CACNA1A: variants seen among roughly 807,000 people sequenced by gnomAD.
CACNA1A encodes the protein calcium voltage-gated channel subunit alpha1 A, also known as voltage-dependent P/Q-type calcium channel subunit alpha-1A.
In CACNA1A, 57 loss-of-function variants were observed where a neutral mutation model predicts 262.4. That is an observed-to-expected ratio of 0.22 (90% CI 0.18 to 0.27). The LOEUF (loss-of-function observed/expected upper bound fraction) is 0.27, where lower values mean the gene tolerates loss of function less well. Among genes scored for constraint, CACNA1A ranks in the 10% least tolerant of loss-of-function variants. CACNA1A has a pLI of 1.00. For synonymous variants in CACNA1A, 1,431 were observed against 1,419.3 expected (o/e 1.01, Z -0.18); for missense variants, 2,526 against 3,562.8 (o/e 0.71, Z 7.41).
At chr19:13,290,824 A>G (rs1046571024) in intron 19 of CACNA1A, among the ~76,000 whole-genome samples, 1 of 152,088 alleles carries the variant, frequency 6.6e-6, no homozygotes, top group Non-Finnish European at 1.5e-5. Context: ...TATAATTTCA[A>G]AGAGAACCTA....
At position 13,506,308 on chromosome 19, in the gene CACNA1A, G is replaced by A; in HGVS notation, c.-84C>T. ...CGCCGCCGCCGCCGCCGCTGATGCT[G>A]AGGCTGCCGGGGCTGGGAGCGCGGC... On this transcript the variant is annotated 5_prime_UTR_variant, in exon 1 of 47. Coordinates refer to ENST00000360228, the MANE Select transcript of CACNA1A (RefSeq NM_001127222.2). The A allele has an allele frequency of 1.6e-6, 2 of 1,250,432 alleles. No homozygotes were observed. The highest frequency in any genetic ancestry group is 3.7e-5 in the South Asian group (2 of 53,800). 77.5% of individuals were successfully genotyped at this position (1,250,432 alleles called of 1,614,324 possible). A position where few individuals can be genotyped will look rare whatever the true frequency, so the allele number is the denominator to read the frequency against.
rs201582095 is a variant in CACNA1A at position 13,208,760 on chromosome 19, C to T, written c.6776G>A (p.Arg2259Gln). ...GTCACTTGCAGCCGCACCCACCTGCCGGTGCGCCATGTGCTCTCGGCCCTC... is the reference window on the plus strand; with the variant it reads ...GTCACTTGCAGCCGCACCCACCTGCTGGTGCGCCATGTGCTCTCGGCCCTC... ...PSEGREHMAH[R>Q]QGSSSVSGSP... Residue 2259 changes from arginine to glutamine, a missense_variant, in exon 46 of 47, where the codon CGG (arginine) becomes CAG (glutamine). This residue lies in a region of CACNA1A where 929 missense variants were observed against 868.1 expected (regional missense o/e 1.07). Transcript: ENST00000360228. 19 of 1,566,300 alleles carry T rather than the reference C, an allele frequency of 1.2e-5. No individual in the cohort carries two copies. The highest frequency in any genetic ancestry group is 7.9e-5 in the South Asian group (7 of 88,260).
intron 3 of CACNA1A, among the ~76,000 whole-genome samples, chr19:13,392,411 G>A (rs2059726310): frequency 6.6e-6 from 1 of 152,178 alleles, no homozygotes; most frequent in South Asian, 2.1e-4. Flanking sequence ...GGCAGGTGGA[G>A]GCAGGATGTC....
chr19:13,321,999 C>T (rs1344121539), intron 10 of CACNA1A, among the ~76,000 whole-genome samples: 3 of 151,934 alleles, frequency 2.0e-5, no homozygotes, highest in Non-Finnish European at 4.4e-5. Context: ...GTCAGGAGTT[C>T]GAGACCAGCC....
At chr19:13,234,624 C>G (rs1006608125) in intron 34 of CACNA1A, among the ~76,000 whole-genome samples, 1 of 152,164 alleles carries the variant, frequency 6.6e-6, no homozygotes, top group Admixed American at 6.5e-5. Context: ...CCCACGACAC[C>G]CATTTCCAGC....
chr19:13,396,265 T>A (rs560084349), intron 3 of CACNA1A, among the ~76,000 whole-genome samples: 1 of 152,328 alleles, frequency 6.6e-6, no homozygotes, highest in African/African-American at 2.4e-5. Flanking sequence ...ACTCTACTCT[T>A]CCCCGTGAGG....
intron 6 of CACNA1A, among the ~76,000 whole-genome samples, chr19:13,336,594 G>GGAGAGAGAGGGAGGGAGAGA (rs1555768093): frequency 1.1e-4 from 7 of 65,490 alleles, no homozygotes; most frequent in Non-Finnish European, 3.1e-5. Context: ...AGAGAGAGAG[G>GGAGAGAGAGGGAGGGAGAGA]GAGAGAGAGA....
intron 3 of CACNA1A, among the ~76,000 whole-genome samples, chr19:13,391,952 G>A (rs577615101): frequency 2.0e-4 from 30 of 150,832 alleles, no homozygotes; most frequent in African/African-American, 1.7e-4. Context: ...TGGGAGAATC[G>A]CATGAGCCCG....
In CACNA1A at chr19:13,255,050, G is replaced by A. The variant is rs749495896; in HGVS notation, c.4755+45C>T. The stretch of plus-strand genomic sequence containing the variant: ...ATTTTATCAGGGTAGAGGCAGGAAC[G>A]AGGTGGGGGTTAAGTAGTGCTGGGG... On this transcript the variant is annotated intron_variant, in intron 29 of 46. Transcript: ENST00000360228. 25 of 1,596,964 alleles carry A rather than the reference G, an allele frequency of 1.6e-5. No homozygotes were observed. In the Admixed American group the frequency reaches 3.0e-4, roughly 19 times the overall value.
At chr19:13,380,099 T>C (rs1322605542) in intron 3 of CACNA1A, among the ~76,000 whole-genome samples, 22 of 119,966 alleles carry the variant, frequency 1.8e-4, no homozygotes, top group Middle Eastern at 8.3e-3. Context: ...GCCTGGCCAA[T>C]ATGGTGAAAA....
intron 4 of CACNA1A, among the ~76,000 whole-genome samples, chr19:13,367,258 G>A (rs938991713): frequency 7.7e-6 from 1 of 129,892 alleles, no homozygotes; most frequent in Non-Finnish European, 1.5e-5. Flanking sequence ...TGACGCCACT[G>A]TACTCCAGTC....
chr19:13,393,811 T>TTCCTTCC (rs1226397228), intron 3 of CACNA1A, among the ~76,000 whole-genome samples: 16,282 of 80,850 alleles, frequency 0.2, 1,874 homozygotes, highest in East Asian at 0.34. Context: ...CCCTCCTTCC[T>TTCCTTCC]CTCTCTCTCT....
chr19:13,377,899 A>G (rs892842247), intron 3 of CACNA1A, among the ~76,000 whole-genome samples: 1 of 151,854 alleles, frequency 6.6e-6, no homozygotes, highest in Non-Finnish European at 1.5e-5. Flanking sequence ...AGATCAAGGC[A>G]GGAGGATCAC....
chr19:13,395,367 T>A (rs1253008971), intron 3 of CACNA1A, among the ~76,000 whole-genome samples: 1 of 151,336 alleles, frequency 6.6e-6, no homozygotes, highest in Non-Finnish European at 1.5e-5. Flanking sequence ...ATCCCAGGAC[T>A]TTGGGAGGCC....
intron 1 of CACNA1A, among the ~76,000 whole-genome samples, chr19:13,462,828 C>T (rs140892814): frequency 6.6e-6 from 1 of 152,270 alleles, no homozygotes; most frequent in Non-Finnish European, 1.5e-5. Flanking sequence ...GGCACGATCA[C>T]AGCTCACTGT....
Position 13,285,210 on chromosome 19 carries a change from T to C in CACNA1A, c.3554-4A>G. On this transcript the variant is annotated splice_polypyrimidine_tract_variant and splice_region_variant and intron_variant, in intron 20 of 46. Coordinates refer to ENST00000360228, the MANE Select transcript of CACNA1A (RefSeq NM_001127222.2). ...TCTGGGTTGGCGTTTTTGTTCACTGTTGGGACAAGAACCAACACAGGGCTC... is the reference window on the plus strand; with the variant it reads ...TCTGGGTTGGCGTTTTTGTTCACTGCTGGGACAAGAACCAACACAGGGCTC... 2 of 1,613,926 alleles carry C rather than the reference T, an allele frequency of 1.2e-6. No homozygotes were observed. Among genetic ancestry groups the C allele is most frequent in the Non-Finnish European group, 1.7e-6 (2 of 1,179,852 alleles).
At position 13,211,206 on chromosome 19, in the gene CACNA1A, C is replaced by G. The variant is rs761873005; in HGVS notation, c.6304-554G>C. On this transcript the variant is annotated intron_variant, in intron 43 of 46. Coordinates refer to ENST00000360228, the MANE Select transcript of CACNA1A (RefSeq NM_001127222.2). Reference sequence around the variant, plus strand: ...GCCAGGCACAGCACAGCCTCCTGCCCCGTGCAGACGCCACACACGGCACAC... The same window carrying G: ...GCCAGGCACAGCACAGCCTCCTGCCGCGTGCAGACGCCACACACGGCACAC... 1.1e-3 allele frequency: 178 copies of G among 161,238 alleles called. 1 individual carries two copies. Among genetic ancestry groups the G allele is most frequent in the South Asian group, 1.8e-3 (11 of 5,950 alleles). The allele number at this position is 161,238 out of a possible 1,614,324, so 10.0% of individuals were successfully genotyped here.
intron 12 of CACNA1A, among the ~76,000 whole-genome samples, chr19:13,309,530 A>C (rs774061893): frequency 7.4e-5 from 7 of 95,238 alleles, no homozygotes; most frequent in Non-Finnish European, 1.6e-4. Flanking sequence ...CTGACTTTAC[A>C]AAAAAAAAAA....
At chr19:13,304,433 A>G (rs2057855054) in intron 15 of CACNA1A, among the ~76,000 whole-genome samples, 1 of 151,856 alleles carries the variant, frequency 6.6e-6, no homozygotes, top group East Asian at 1.9e-4. Context: ...GTTCAAGATT[A>G]GCCTGGGCAA....
Sources: gnomAD v4.1 joint callset for allele counts (sites outside exome capture counted in the v4.1 genomes callset) on GRCh38, gnomAD v4.1.1 for gene constraint, gnomAD v4.1.1 regional missense constraint, MANE v1.5 for transcripts, NCBI Gene and HGNC (gene_info 2026-07-23, HGNC 2026-07-21) for gene names.